SLC25A13: variants seen among roughly 807,000 people sequenced by gnomAD.
SLC25A13 encodes electrogenic aspartate/glutamate antiporter SLC25A13, mitochondrial.
A neutral mutation model predicts 85.5 loss-of-function variants in SLC25A13; 70 were observed. That is an observed-to-expected ratio of 0.82 (90% CI 0.68 to 1.00). SLC25A13 has a LOEUF of 1.00. SLC25A13 is among the 50% of genes least tolerant of loss of function. SLC25A13 has a pLI of 0.00. For missense variants in SLC25A13, 765 were observed against 819.8 expected, an observed-to-expected ratio of 0.93 and a Z score of 0.82; for synonymous variants, 259 against 288.7, an observed-to-expected ratio of 0.90 and a Z score of 1.04.
At chr7:96,281,946 G>A (rs1339031911) in intron 2 of SLC25A13, among the ~76,000 whole-genome samples, 4 of 152,118 alleles carry the variant, frequency 2.6e-5, no homozygotes, top group African/African-American at 9.7e-5. Flanking sequence ...ATATGTATGA[G>A]GGTAGTGATA....
intron 3 of SLC25A13, among the ~76,000 whole-genome samples, chr7:96,247,916 A>G (rs1438802813): frequency 6.6e-6 from 1 of 151,632 alleles, no homozygotes; most frequent in Non-Finnish European, 1.5e-5. Context: ...TAGTTTATAC[A>G]GGGTGTTCTA....
At chr7:96,132,751 A>C (rs1792088291) in intron 14 of SLC25A13, among the ~76,000 whole-genome samples, 1 of 152,216 alleles carries the variant, frequency 6.6e-6, no homozygotes, top group Admixed American at 6.5e-5. Flanking sequence ...CTAATAACTA[A>C]AAATTTCCAC....
At chr7:96,227,597 G>T (rs1309480605) in intron 4 of SLC25A13, among the ~76,000 whole-genome samples, 3 of 152,132 alleles carry the variant, frequency 2.0e-5, no homozygotes, top group Non-Finnish European at 4.4e-5. Flanking sequence ...AAAAAGAATG[G>T]AGCATTCAGA....
intron 15 of SLC25A13, among the ~76,000 whole-genome samples, chr7:96,128,631 C>G (rs1791833979): frequency 6.6e-6 from 1 of 151,882 alleles, no homozygotes. Context: ...AGGACAAATA[C>G]CTAATGCATG....
At chr7:96,301,474 G>GTTT (rs971534691) in intron 1 of SLC25A13, among the ~76,000 whole-genome samples, 1 of 151,998 alleles carries the variant, frequency 6.6e-6, no homozygotes, top group Non-Finnish European at 1.5e-5. Flanking sequence ...CAAGTAACTG[G>GTTT]TTTTCAAACA....
intron 3 of SLC25A13, among the ~76,000 whole-genome samples, chr7:96,267,566 A>G (rs1798080084): frequency 6.6e-6 from 1 of 152,146 alleles, no homozygotes; most frequent in African/African-American, 2.4e-5. Flanking sequence ...TAATTCCAGC[A>G]CTTTGGGAGG....
At chr7:96,286,153 A>T (rs891376315) in intron 2 of SLC25A13, among the ~76,000 whole-genome samples, 58 of 151,788 alleles carry the variant, frequency 3.8e-4, no homozygotes, top group African/African-American at 1.4e-3. Context: ...GCATGGTGGC[A>T]GGCGCCTGTA....
intron 14 of SLC25A13, among the ~76,000 whole-genome samples, chr7:96,134,481 T>C (rs1029499097): frequency 1.3e-5 from 2 of 152,094 alleles, no homozygotes; most frequent in African/African-American, 4.8e-5. Flanking sequence ...ACCTGTCTTA[T>C]GCTATGTGGC....
At chr7:96,202,607 G>T (rs1795301578) in intron 5 of SLC25A13, among the ~76,000 whole-genome samples, 1 of 152,108 alleles carries the variant, frequency 6.6e-6, no homozygotes, top group Non-Finnish European at 1.5e-5. Context: ...GGAAACAGAA[G>T]AAATTTCCTG....
chr7:96,183,698 T>C (rs1247457210), intron 11 of SLC25A13, among the ~76,000 whole-genome samples: 3 of 152,086 alleles, frequency 2.0e-5, no homozygotes, highest in East Asian at 3.9e-4. Flanking sequence ...TTAATGAACC[T>C]TAGATGGTTA....
chr7:96,269,253 G>A (rs1182271834), intron 3 of SLC25A13, among the ~76,000 whole-genome samples: 1 of 152,142 alleles, frequency 6.6e-6, no homozygotes, highest in Non-Finnish European at 1.5e-5. Context: ...TGTACCCAAG[G>A]CACTCATGCA....
At chr7:96,251,168 A>C (rs887213142) in intron 3 of SLC25A13, among the ~76,000 whole-genome samples, 3 of 152,154 alleles carry the variant, frequency 2.0e-5, no homozygotes, top group African/African-American at 7.2e-5. Flanking sequence ...GAGGAAGTAC[A>C]AGGCCTCTAG....
intron 3 of SLC25A13, among the ~76,000 whole-genome samples, chr7:96,253,347 G>A (rs1469255429): frequency 6.6e-6 from 1 of 152,170 alleles, no homozygotes; most frequent in Non-Finnish European, 1.5e-5. Context: ...AACAGTATCT[G>A]CAGGTAAATT....
At chr7:96,214,753 T>A (rs190717461) in intron 4 of SLC25A13, among the ~76,000 whole-genome samples, 523 of 151,960 alleles carry the variant, frequency 3.4e-3, no homozygotes, top group Middle Eastern at 0.02. Context: ...TAATTAATTT[T>A]AAAAAAACTC....
chr7:96,184,415 A>G lies in SLC25A13; in HGVS notation c.1039T>C (p.Tyr347His). The G allele has an allele frequency of 6.2e-7, 1 of 1,614,178 alleles. No homozygotes were observed. Among genetic ancestry groups the G allele is most frequent in the Non-Finnish European group, 8.5e-7 (1 of 1,180,000 alleles). The stretch of plus-strand genomic sequence containing the variant: ...CGAGTTTTTACAAGATCGATAGGAT[A>G]CACAGCAGTGGCTCCAACAGCTAAA... ...VAGAVGATAV[Y>H]PIDLVKTRMQ... Residue 347 changes from tyrosine (Y) to histidine (H), a missense_variant, in exon 11 of 18, where the codon TAT becomes CAT. Tyr to His is a moderately conservative substitution (Grantham distance 83). Transcript: ENST00000265631.
intron 3 of SLC25A13, among the ~76,000 whole-genome samples, chr7:96,248,619 T>A (rs1584510112): frequency 6.6e-6 from 1 of 152,274 alleles, no homozygotes; most frequent in African/African-American, 2.4e-5. Context: ...TATTCATCTG[T>A]TTGCAAAAGT....
At chr7:96,241,348 C>T (rs1398153039) in intron 3 of SLC25A13, among the ~76,000 whole-genome samples, 1 of 152,160 alleles carries the variant, frequency 6.6e-6, no homozygotes, top group African/African-American at 2.4e-5. Context: ...CTTTAATCTA[C>T]AAGGATATTT....
intron 4 of SLC25A13, among the ~76,000 whole-genome samples, chr7:96,233,128 T>A (rs1254339067): frequency 6.6e-6 from 1 of 152,158 alleles, no homozygotes; most frequent in African/African-American, 2.4e-5. Flanking sequence ...TCCTCTAATA[T>A]CAAATCGAAC....
At chr7:96,255,803 C>T (rs944514832) in intron 3 of SLC25A13, among the ~76,000 whole-genome samples, 31 of 151,848 alleles carry the variant, frequency 2.0e-4, no homozygotes, top group Non-Finnish European at 5.9e-5. Flanking sequence ...CAACTGCCTA[C>T]TAAAAAGAAG....
Sources: gnomAD v4.1 joint callset for allele counts (sites outside exome capture counted in the v4.1 genomes callset) on GRCh38, gnomAD v4.1.1 for gene constraint, MANE v1.5 for transcripts, NCBI Gene and HGNC (gene_info 2026-07-23, HGNC 2026-07-21) for gene names.